Variants in GC observed in about 807,000 individuals in gnomAD.
GC encodes GC vitamin D binding protein.
In GC, 43 loss-of-function variants were observed where a neutral mutation model predicts 56.7. That is an observed-to-expected ratio of 0.76 (90% confidence interval 0.59 to 0.98). The LOEUF (loss-of-function observed/expected upper bound fraction) is 0.98, where lower values mean the gene tolerates loss of function less well. Ranked by LOEUF, GC falls within the 50% of genes least tolerant of loss-of-function variation. The pLI is 0.00. For missense variants in GC, 529 were observed against 545.9 expected (o/e 0.97, Z 0.31); for synonymous variants, 216 against 202.7 (o/e 1.07, Z -0.56).
At chr4:71,748,143 T>G (rs1741435754) in intron 11 of GC, among the ~76,000 whole-genome samples, 1 of 152,142 alleles carries the variant, frequency 6.6e-6, no homozygotes, top group Non-Finnish European at 1.5e-5. Context: ...AAATATTAAT[T>G]AACATCTAGA....
At chr4:71,757,632 T>C (rs750650767) in intron 7 of GC, among the ~76,000 whole-genome samples, 1 of 152,184 alleles carries the variant, frequency 6.6e-6, no homozygotes, top group Non-Finnish European at 1.5e-5. Flanking sequence ...CACTATCCAA[T>C]ACCATTGTGC....
chr4:71,783,719 C>A (rs986076832), intron 1 of GC, among the ~76,000 whole-genome samples: 1 of 151,636 alleles, frequency 6.6e-6, no homozygotes, highest in African/African-American at 2.4e-5. Flanking sequence ...AGATAATTGA[C>A]AAATTATATC....
At chr4:71,788,893 G>A (rs1291560808), upstream of GC, among the ~76,000 whole-genome samples, 2 of 151,818 alleles carry the variant, frequency 1.3e-5, no homozygotes, top group African/African-American at 4.8e-5. Context: ...TTAACTGTGA[G>A]CTAAATGTTC....
chr4:71,742,127 TG>T (rs887952932), intron 12 of GC, among the ~76,000 whole-genome samples: 2 of 152,134 alleles, frequency 1.3e-5, no homozygotes, highest in African/African-American at 4.8e-5. Flanking sequence ...CATTGTGCAG[TG>T]TTTTTTTAAT....
intron 1 of GC, among the ~76,000 whole-genome samples, chr4:71,789,630 T>C (rs1165737932): frequency 6.6e-6 from 1 of 152,064 alleles, no homozygotes; most frequent in South Asian, 2.1e-4. Context: ...AAAGGCAGAA[T>C]AATGGCCGAC....
At chr4:71,747,903 C>T (rs748338316) in intron 11 of GC, among the ~76,000 whole-genome samples, 35 of 152,070 alleles carry the variant, frequency 2.3e-4, no homozygotes, top group African/African-American at 7.2e-4. Flanking sequence ...AAATTCACAG[C>T]GATATTACCA....
chr4:71,769,404 G>C lies in GC; in HGVS notation c.59-4C>G. On this transcript the variant is annotated splice_polypyrimidine_tract_variant and splice_region_variant and intron_variant, in intron 1 of 12. Coordinates refer to ENST00000273951, the MANE Select transcript of GC (RefSeq NM_000583.4). ...TTATTCTTTTCATAATCCCGGCCTA[G>C]GAGGCAGAAATAGAAAAATTTGTAT... 1.2e-6 allele frequency: 2 copies of C among 1,608,512 alleles called. No individual in the cohort carries two copies. Among genetic ancestry groups the C allele is most frequent in the Non-Finnish European group, 1.7e-6 (2 of 1,175,412 alleles).
chr4:71,786,518 G>A (rs1742842180), upstream of GC, among the ~76,000 whole-genome samples: 1 of 151,798 alleles, frequency 6.6e-6, no homozygotes, highest in African/African-American at 2.4e-5. Flanking sequence ...TACATAAGCA[G>A]TAGAATTTTG....
chr4:71,752,447 A>G, intron 11 of GC, 71 bp downstream of exon 11: 1 of 1,234,266 alleles, frequency 8.1e-7, no homozygotes, highest in Non-Finnish European at 1.2e-6. Flanking sequence ...ACAGGAAAGA[A>G]ATGAGTAGAT....
chr4:71,772,515 A>G (rs1742372989), intron 1 of GC, among the ~76,000 whole-genome samples: 1 of 152,190 alleles, frequency 6.6e-6, no homozygotes, highest in African/African-American at 2.4e-5. Flanking sequence ...ATGTGAAGGT[A>G]GTGTAACTGG....
chr4:71,763,555 G>T, intron 5 of GC, 53 bp from the exon 6 acceptor site: 1 of 1,074,774 alleles, frequency 9.3e-7, no homozygotes. Context: ...ATTGAATACT[G>T]TATAAATGGC....
intron 1 of GC, among the ~76,000 whole-genome samples, chr4:71,778,578 G>T (rs956152381): frequency 2.0e-5 from 3 of 151,864 alleles, no homozygotes; most frequent in Non-Finnish European, 4.4e-5. Flanking sequence ...TGTTTCCAGA[G>T]AAGCTAGAAA....
In GC at chr4:71,752,976, T is replaced by G. The variant is rs1362974794; in HGVS notation, c.1263-326A>C. ...TTTCACCTTCTCTTCAGTTTTAAAT[T>G]TCAAATTCCTTAAAGAATATTTCCT... On this transcript the variant is annotated intron_variant, in intron 10 of 12. Coordinates refer to ENST00000273951, the MANE Select transcript of GC (RefSeq NM_000583.4). 8.5e-5 allele frequency among the ~76,000 whole-genome samples: 13 copies of G among 152,208 alleles called. No individual in the cohort carries two copies. In the East Asian group the frequency reaches 2.5e-3, roughly 29 times the overall value.
At chr4:71,784,770 C>G (rs1742792032), upstream of GC, among the ~76,000 whole-genome samples, 3 of 151,686 alleles carry the variant, frequency 2.0e-5, no homozygotes, top group South Asian at 6.2e-4. Flanking sequence ...AGTGGCAAAT[C>G]TTGGACTCCC....
chr4:71,760,867 T>C (rs767239258), intron 6 of GC, among the ~76,000 whole-genome samples: 1 of 152,196 alleles, frequency 6.6e-6, no homozygotes, highest in African/African-American at 2.4e-5. Context: ...TCCACCATGA[T>C]TGTGAGGCCT....
chr4:71,773,343 A>T (rs1742402068), intron 1 of GC, among the ~76,000 whole-genome samples: 2 of 152,180 alleles, frequency 1.3e-5, no homozygotes, highest in South Asian at 2.1e-4. Context: ...TTTAATTCTG[A>T]ACTTTTGAAA....
At chr4:71,754,169 A>G (rs1741643473) in intron 10 of GC, among the ~76,000 whole-genome samples, 1 of 152,164 alleles carries the variant, frequency 6.6e-6, no homozygotes, top group Admixed American at 6.5e-5. Flanking sequence ...AATAGTGTAC[A>G]TTGTATCCAA....
At chr4:71,768,273 A>T (rs762605138) in intron 3 of GC, 28 bp downstream of exon 3, 3 of 1,549,586 alleles carry the variant, frequency 1.9e-6, no homozygotes, top group Non-Finnish European at 2.6e-6. Flanking sequence ...CTGGGCTGCC[A>T]CAGAGACGGC....
intron 6 of GC, among the ~76,000 whole-genome samples, chr4:71,762,589 C>A (rs1223391245): frequency 6.6e-6 from 1 of 152,156 alleles, no homozygotes; most frequent in Non-Finnish European, 1.5e-5. Context: ...CCACACAAAT[C>A]TCATCTTGAA....
Sources: allele counts gnomAD v4.1 joint callset (sites outside exome capture counted in the v4.1 genomes callset), GRCh38; gene constraint gnomAD v4.1.1; transcripts MANE v1.5; gene names NCBI Gene and HGNC (gene_info 2026-07-23, HGNC 2026-07-21).